The following RGS6 variants were observed in gnomAD, a reference collection of about 807,000 sequenced individuals.
RGS6 encodes the protein regulator of G-protein signaling 6.
A neutral mutation model predicts 78.5 loss-of-function variants in RGS6; 30 were observed. The observed-to-expected ratio is 0.38, with a 90% CI of 0.29 to 0.52. The LOEUF (loss-of-function observed/expected upper bound fraction) is 0.52. RGS6 is among the 20% of genes least tolerant of loss of function. RGS6 has a pLI of 0.85. For missense variants in RGS6, 495 were observed against 609.7 expected, an observed-to-expected ratio of 0.81 and a Z score of 1.98; for synonymous variants, 206 against 206.0, an observed-to-expected ratio of 1.00 and a Z score of 0.00.
chr14:71,991,490 A>C (rs2094952645), intron 2 of RGS6, among the ~76,000 whole-genome samples: 1 of 152,224 alleles, frequency 6.6e-6, no homozygotes. Context: ...GTCTCAATTA[A>C]AACAGGTTAT....
intron 2 of RGS6, among the ~76,000 whole-genome samples, chr14:72,060,336 T>A (rs1279531509): frequency 6.6e-6 from 1 of 151,230 alleles, no homozygotes; most frequent in African/African-American, 2.4e-5. Flanking sequence ...TAATCTTTTT[T>A]AATATATTCT....
chr14:72,470,029 G>C lies in RGS6; in HGVS notation c.482G>C (p.Arg161Thr). 6.2e-7 allele frequency: 1 copy of C among 1,613,532 alleles called. No individual in the cohort carries two copies. Among genetic ancestry groups the C allele is most frequent in the Middle Eastern group, 1.6e-4 (1 of 6,062 alleles). ...YEAENLARLQRAFARKWEFIF... is the reference protein window; with the variant it reads ...YEAENLARLQTAFARKWEFIF... Reference sequence around the variant, plus strand: ...TAGGAAAACTTAGCAAGACTCCAGAGGGCCTTTGCGAGGAAGTGGGAATTC... The same window carrying C: ...TAGGAAAACTTAGCAAGACTCCAGACGGCCTTTGCGAGGAAGTGGGAATTC... Residue 161 changes from arginine to threonine, a missense_variant, in exon 8 of 18, where the codon AGG becomes ACG. Coordinates refer to ENST00000553525, the MANE Select transcript of RGS6 (RefSeq NM_001204424.2).
At chr14:72,061,905 A>G (rs2093915280) in intron 2 of RGS6, among the ~76,000 whole-genome samples, 1 of 152,256 alleles carries the variant, frequency 6.6e-6, no homozygotes, top group African/African-American at 2.4e-5. Flanking sequence ...TTTATTGGGC[A>G]TTTGGTATAA....
chr14:72,459,713 A>G (rs772085171), intron 6 of RGS6, 30 bp downstream of exon 6: 10 of 1,608,650 alleles, frequency 6.2e-6, no homozygotes, highest in Admixed American at 1.7e-5. Context: ...GGAACTCTCA[A>G]CTTCAACACT....
At chr14:72,404,263 A>G (rs946664212) in intron 3 of RGS6, among the ~76,000 whole-genome samples, 14 of 152,234 alleles carry the variant, frequency 9.2e-5, no homozygotes, top group Non-Finnish European at 1.2e-4. Context: ...GGATCTTACA[A>G]GCTCCTTTAA....
intron 2 of RGS6, among the ~76,000 whole-genome samples, chr14:72,220,098 T>C (rs2046510134): frequency 6.6e-6 from 1 of 152,088 alleles, no homozygotes; most frequent in Non-Finnish European, 1.5e-5. Flanking sequence ...ACATTCAAGC[T>C]AAGAGCAAAA....
At chr14:72,529,367 G>A (rs1157497) in intron 15 of RGS6, among the ~76,000 whole-genome samples, 3,221 of 152,272 alleles carry the variant, frequency 0.021, 110 homozygotes, top group African/African-American at 0.072. Flanking sequence ...GGTGGTCAAG[G>A]GCTAGCAGTG....
At chr14:71,973,111 T>C (rs758145187) in intron 2 of RGS6, among the ~76,000 whole-genome samples, 9 of 152,196 alleles carry the variant, frequency 5.9e-5, no homozygotes, top group Admixed American at 1.3e-4. Context: ...TTAAGTCTAG[T>C]TCTTTAATTT....
the RGS6 span, among the ~76,000 whole-genome samples, chr14:72,573,810 C>T: frequency 6.6e-6 from 1 of 152,122 alleles, no homozygotes; most frequent in Non-Finnish European, 1.5e-5. Flanking sequence ...GGGAGGCCCT[C>T]ACTTAGGGGT....
At chr14:72,255,742 TTATA>T (rs1394721527) in intron 2 of RGS6, among the ~76,000 whole-genome samples, 1 of 152,216 alleles carries the variant, frequency 6.6e-6, no homozygotes, top group African/African-American at 2.4e-5. Context: ...ACCATTTACT[TTATA>T]TATGAAAGAG....
chr14:72,149,056 C>T (rs113490668), intron 2 of RGS6, among the ~76,000 whole-genome samples: 1,898 of 152,328 alleles, frequency 0.012, 45 homozygotes, highest in African/African-American at 0.043. Context: ...GGGTTGGAAT[C>T]ATAAGACAGC....
At chr14:72,240,436 C>A (rs1193353334) in intron 2 of RGS6, among the ~76,000 whole-genome samples, 2 of 152,116 alleles carry the variant, frequency 1.3e-5, no homozygotes, top group African/African-American at 4.8e-5. Context: ...ACTGAGGGCA[C>A]ACAGCACAGA....
intron 2 of RGS6, among the ~76,000 whole-genome samples, chr14:72,137,929 C>G (rs995214361): frequency 3.3e-5 from 5 of 152,086 alleles, no homozygotes; most frequent in Admixed American, 1.3e-4. Flanking sequence ...GACTGAGAGT[C>G]CCAGCCCTCT....
At chr14:72,280,893 C>A (rs1429930285) in intron 2 of RGS6, among the ~76,000 whole-genome samples, 1 of 152,090 alleles carries the variant, frequency 6.6e-6, no homozygotes, top group Non-Finnish European at 1.5e-5. Context: ...AAAATAGAAG[C>A]CCACAGTCCT....
At chr14:72,578,700 G>A in the RGS6 span, among the ~76,000 whole-genome samples, 18 of 152,312 alleles carry the variant, frequency 1.2e-4, no homozygotes, top group South Asian at 4.1e-4. Flanking sequence ...AGCGGGGTAT[G>A]GCTTCCTAGG....
intron 2 of RGS6, among the ~76,000 whole-genome samples, chr14:72,298,044 G>C (rs1024839117): frequency 1.3e-5 from 2 of 151,766 alleles, no homozygotes; most frequent in African/African-American, 4.8e-5. Context: ...ATTACATACT[G>C]GTCATTTCCT....
intron 3 of RGS6, among the ~76,000 whole-genome samples, chr14:72,429,242 T>C (rs1385191190): frequency 6.6e-6 from 1 of 152,182 alleles, no homozygotes; most frequent in Non-Finnish European, 1.5e-5. Flanking sequence ...AATTCCCAAG[T>C]GATATTGATA....
chr14:72,528,289 G>A (rs566741681), intron 15 of RGS6, among the ~76,000 whole-genome samples: 2 of 152,314 alleles, frequency 1.3e-5, no homozygotes, highest in South Asian at 4.1e-4. Flanking sequence ...GGACTCTATT[G>A]ATTCTAGTTG....
At chr14:71,873,260 A>G in the RGS6 span, among the ~76,000 whole-genome samples, 1 of 152,208 alleles carries the variant, frequency 6.6e-6, no homozygotes, top group Admixed American at 6.5e-5. Flanking sequence ...TCCCACAAAC[A>G]GTGTAAAAGC....
Sources: allele counts gnomAD v4.1 joint callset (sites outside exome capture counted in the v4.1 genomes callset), GRCh38; gene constraint gnomAD v4.1.1; transcripts MANE v1.5; gene names NCBI Gene and HGNC (gene_info 2026-07-23, HGNC 2026-07-21).